KIF18A: variants seen among roughly 807,000 people sequenced by gnomAD.
KIF18A encodes the protein kinesin-like protein KIF18A.
KIF18A carries 67 observed loss-of-function variants against 103.3 expected under a neutral mutation model. The ratio of observed to expected loss-of-function variants is 0.65; its 90% CI spans 0.53 to 0.79. The LOEUF (loss-of-function observed/expected upper bound fraction) is 0.79. Among genes scored for constraint, KIF18A ranks in the 30% least tolerant of loss-of-function variants. The probability of loss-of-function intolerance (pLI) is 0.00; values close to 1 mark genes in which losing one functional copy is unlikely to be tolerated. For missense variants in KIF18A, 1,032 were observed against 1,062.5 expected, an observed-to-expected ratio of 0.97 and a Z score of 0.40; for synonymous variants, 367 against 355.5, an observed-to-expected ratio of 1.03 and a Z score of -0.36.
chr11:28,033,100 G>A (rs913849879), intron 15 of KIF18A, among the ~76,000 whole-genome samples: 2 of 151,706 alleles, frequency 1.3e-5, no homozygotes, highest in Non-Finnish European at 2.9e-5. Flanking sequence ...AGAAGCTTAT[G>A]AAAAGGTACT....
intron 13 of KIF18A, among the ~76,000 whole-genome samples, chr11:28,048,234 A>G (rs1378413144): frequency 1.3e-5 from 2 of 152,114 alleles, no homozygotes; most frequent in Non-Finnish European, 2.9e-5. Flanking sequence ...TAAAGTATAC[A>G]TACTGTTTGA....
At chr11:28,029,803 CCTT>C (rs1332896470) in intron 15 of KIF18A, among the ~76,000 whole-genome samples, 3 of 131,596 alleles carry the variant, frequency 2.3e-5, no homozygotes, top group Non-Finnish European at 4.8e-5. Flanking sequence ...CCCAAAATCT[CCTT>C]AAGCTGATAA....
At chr11:28,048,552 C>T (rs549915627) in intron 13 of KIF18A, among the ~76,000 whole-genome samples, 2 of 151,932 alleles carry the variant, frequency 1.3e-5, no homozygotes, top group African/African-American at 2.4e-5. Context: ...CAAATGTATG[C>T]TTAGAAAAAA....
chr11:28,023,713 A>G (rs33937991), intron 16 of KIF18A, 28 bp downstream of exon 16: 308,861 of 1,259,060 alleles, frequency 0.25, 41,244 homozygotes, highest in African/African-American at 0.45. Context: ...TCATACCATT[A>G]AATATCAAAT....
In KIF18A at chr11:28,023,859, GA is replaced by G. The variant is rs1297075190; in HGVS notation, c.2505-10del. The stretch of plus-strand genomic sequence containing the variant: ...AACTGTTTGATGTAGAACTTGAGAG[GA>G]AAAGTTTTTAATTTAGTTAAGCATT... On this transcript the variant is annotated splice_polypyrimidine_tract_variant and intron_variant, in intron 15 of 16. Transcript: ENST00000263181. 4 of 1,552,984 alleles carry G rather than the reference GA, an allele frequency of 2.6e-6. No individual in the cohort carries two copies. Among genetic ancestry groups the G allele is most frequent in the Admixed American group, 1.7e-5 (1 of 57,170 alleles).
intron 13 of KIF18A, 123 bp from the exon 14 acceptor site, chr11:28,036,787 GA>G (rs1391887947): frequency 1.8e-6 from 1 of 557,378 alleles, no homozygotes; most frequent in Non-Finnish European, 3.0e-6. Context: ...ATAAAAATCT[GA>G]AAAATATAAG....
In KIF18A at chr11:28,088,713, C is replaced by T; in HGVS notation, c.708G>A (p.Leu236=). The change falls in exon 6 of 17, where the codon TTG becomes TTA. Residue 236 remains leucine, a synonymous_variant. Transcript: ENST00000263181. ...TACTTGCTGTTTTGTCTTGTTGTCG[C>T]AAGTAAATCTTTTTGAAATTACAAA... ...SRSHAVFQIY[L]RQQDKTASIN... 1.2e-6 allele frequency: 2 copies of T among 1,612,000 alleles called. No individual in the cohort carries two copies. Among genetic ancestry groups the T allele is most frequent in the Non-Finnish European group, 1.7e-6 (2 of 1,178,884 alleles).
At chr11:28,106,914 T>G (rs1292669523) in intron 1 of KIF18A, among the ~76,000 whole-genome samples, 1 of 152,130 alleles carries the variant, frequency 6.6e-6, no homozygotes. Flanking sequence ...GAGGTTGCAG[T>G]GAGCAGCGAT....
intron 6 of KIF18A, 121 bp from the exon 7 acceptor site, chr11:28,084,929 AT>A (rs1565087851): frequency 4.6e-6 from 3 of 658,884 alleles, no homozygotes. Flanking sequence ...GACTGAAGGT[AT>A]AAACTGTTTC....
chr11:28,070,142 G>C (rs1029372902), intron 10 of KIF18A, among the ~76,000 whole-genome samples: 1 of 152,026 alleles, frequency 6.6e-6, no homozygotes, highest in Non-Finnish European at 1.5e-5. Context: ...AGATAGGATG[G>C]GTAGACCTGA....
intron 10 of KIF18A, among the ~76,000 whole-genome samples, chr11:28,070,044 G>A (rs749960708): frequency 6.6e-6 from 1 of 152,086 alleles, no homozygotes; most frequent in Admixed American, 6.6e-5. Context: ...TACCCTAAGG[G>A]TCTTGCACAC....
chr11:28,091,321 A>T, intron 4 of KIF18A, 88 bp downstream of exon 4: 1 of 626,752 alleles, frequency 1.6e-6, no homozygotes, highest in East Asian at 2.9e-5. Flanking sequence ...TTTCTCAAAC[A>T]GGATGGAAAG....
chr11:28,082,990 T>C (rs771076763), intron 8 of KIF18A, 22 bp from the exon 9 acceptor site: 34 of 1,502,936 alleles, frequency 2.3e-5, no homozygotes, highest in Non-Finnish European at 3.0e-5. Context: ...AAATCACTAG[T>C]TAAAATACAA....
intron 12 of KIF18A, among the ~76,000 whole-genome samples, chr11:28,059,752 A>G (rs1199085597): frequency 6.6e-6 from 1 of 152,098 alleles, no homozygotes; most frequent in Non-Finnish European, 1.5e-5. Flanking sequence ...AATGTACATA[A>G]AAGCTTTTTG....
At chr11:28,083,364 T>C (rs576463050) in intron 7 of KIF18A, 121 bp from the exon 8 acceptor site, 11 of 1,095,178 alleles carry the variant, frequency 1.0e-5, no homozygotes, top group Admixed American at 7.5e-5. Flanking sequence ...GTGATAATTA[T>C]GCTCACATTT....
Position 28,069,329 on chromosome 11 carries a change from T to C in KIF18A, c.1520A>G (p.Glu507Gly), listed in dbSNP as rs1464955880. The C allele has an allele frequency of 1.2e-6, 2 of 1,613,508 alleles. No individual in the cohort carries two copies. The highest frequency in any genetic ancestry group is 2.2e-5 in the South Asian group (2 of 91,074). Residue 507 changes from glutamate to glycine, a missense_variant, in exon 11 of 17, where the codon GAG becomes GGG. Glu to Gly is a moderately conservative substitution (Grantham distance 98). Transcript: ENST00000263181. Reference sequence around the variant, plus strand: ...GACACGATGGAGCCAATTAGTATTCTCATCAAATTGCTTCAATTCCTCCTC... The same window carrying C: ...GACACGATGGAGCCAATTAGTATTCCCATCAAATTGCTTCAATTCCTCCTC... ...RREEELKQFD[E>G]NTNWLHRVEK... is the part of the protein sequence containing the mutation.
rs912384116 is a variant in KIF18A at position 28,097,917 on chromosome 11, G to A, written c.31C>T (p.His11Tyr). The A allele has an allele frequency of 1.9e-6, 3 of 1,591,598 alleles. No homozygotes were observed. The highest frequency in any genetic ancestry group is 2.6e-6 in the Non-Finnish European group (3 of 1,170,336). Residue 11 changes from histidine to tyrosine, a missense_variant, in exon 2 of 17, where the codon CAT (histidine) becomes TAT (tyrosine). Coordinates refer to ENST00000263181, the MANE Select transcript of KIF18A (RefSeq NM_031217.4). MSVTEEDLCH[H>Y]MKVVVRVRPE... The stretch of plus-strand genomic sequence containing the variant: ...CGTACACGAACTACTACTTTCATAT[G>A]GTGGCACAGGTCTTCCTCAGTGACA...
chr11:28,087,106 C>G (rs947826434), intron 6 of KIF18A, among the ~76,000 whole-genome samples: 5 of 152,002 alleles, frequency 3.3e-5, no homozygotes, highest in Non-Finnish European at 7.4e-5. Flanking sequence ...ATTTTAAGTT[C>G]TGGGATACAT....
chr11:28,090,628 C>A lies in KIF18A; in HGVS notation c.688G>T (p.Ala230Ser), dbSNP rs749764616. The change falls in exon 5 of 17, where the codon GCT (alanine) becomes TCT (serine). Residue 230 changes from alanine to serine, a missense_variant. Coordinates refer to ENST00000263181, the MANE Select transcript of KIF18A (RefSeq NM_031217.4). ...TAGTGGCCTCTTACTTGGAAAACAG[C>A]ATGAGAACGAGAAGATGTGGCATTC... Reference protein sequence around the residue: ...DMNATSSRSHAVFQIYLRQQD... With the variant: ...DMNATSSRSHSVFQIYLRQQD... 1.9e-6 allele frequency: 3 copies of A among 1,582,316 alleles called. No individual in the cohort carries two copies.
Sources: allele counts gnomAD v4.1 joint callset (sites outside exome capture counted in the v4.1 genomes callset), GRCh38; gene constraint gnomAD v4.1.1; transcripts MANE v1.5; gene names NCBI Gene and HGNC (gene_info 2026-07-23, HGNC 2026-07-21).